ZNF713: variants seen among roughly 807,000 people sequenced by gnomAD.
ZNF713 encodes zinc finger protein 713.
Under a neutral mutation model 28.7 loss-of-function variants are expected in ZNF713, and 21 were observed. The ratio of observed to expected loss-of-function variants is 0.73; its 90% CI spans 0.52 to 1.05. The LOEUF is 1.05. Among genes scored for constraint, ZNF713 ranks in the 50% least tolerant of loss-of-function variants. ZNF713 has a pLI of 0.00. For synonymous variants in ZNF713, 167 were observed against 178.0 expected (o/e 0.94, Z 0.49); for missense variants, 458 against 532.4 (o/e 0.86, Z 1.37).
intron 1 of ZNF713, 25 bp from the exon 2 acceptor site, chr7:55,906,228 C>T (rs1404090823): frequency 6.6e-6 from 1 of 152,166 alleles, no homozygotes; most frequent in Admixed American, 6.6e-5. Context: ...CTTAGATTAA[C>T]TTTGCCTCAA....
chr7:55,893,409 C>G (rs1332770084), intron 1 of ZNF713, among the ~76,000 whole-genome samples: 2 of 152,128 alleles, frequency 1.3e-5, no homozygotes, highest in Non-Finnish European at 2.9e-5. Context: ...TTCCTTCCTA[C>G]CCAGTGTGGG....
intron 2 of ZNF713, among the ~76,000 whole-genome samples, chr7:55,910,757 A>C (rs1021738959): frequency 1.3e-5 from 2 of 152,038 alleles, no homozygotes; most frequent in Non-Finnish European, 1.5e-5. Flanking sequence ...CAGCCTCCCA[A>C]AGTGCTGGGA....
intron 4 of ZNF713, among the ~76,000 whole-genome samples, chr7:55,914,056 A>G (rs2116218681): frequency 6.6e-6 from 1 of 151,700 alleles, no homozygotes; most frequent in East Asian, 1.9e-4. Flanking sequence ...GGTTGCAGTA[A>G]GCCAAGATCG....
chr7:55,927,481 C>T (rs981661182), intron 6 of ZNF713, among the ~76,000 whole-genome samples: 4 of 151,962 alleles, frequency 2.6e-5, no homozygotes, highest in African/African-American at 7.3e-5. Context: ...TACGATGGCA[C>T]CACTGCACTC....
intron 1 of ZNF713, among the ~76,000 whole-genome samples, chr7:55,902,320 T>C (rs1005169922): frequency 6.6e-6 from 1 of 152,238 alleles, no homozygotes; most frequent in Non-Finnish European, 1.5e-5. Flanking sequence ...GTAATAAAAC[T>C]AGATGTTTAT....
chr7:55,923,401 C>G, intron 5 of ZNF713, 113 bp downstream of exon 5: 1 of 1,410,664 alleles, frequency 7.1e-7, no homozygotes, highest in Non-Finnish European at 9.6e-7. Context: ...TAGAAGAATG[C>G]TAATCAGTTT....
intron 1 of ZNF713, among the ~76,000 whole-genome samples, chr7:55,899,221 C>T (rs1401194225): frequency 3.3e-5 from 5 of 151,634 alleles, no homozygotes; most frequent in East Asian, 1.9e-4. Flanking sequence ...GGCATGGTGG[C>T]GGGCACCTGT....
At chr7:55,908,144 T>G (rs1393258511) in intron 2 of ZNF713, among the ~76,000 whole-genome samples, 3 of 132,624 alleles carry the variant, frequency 2.3e-5, no homozygotes, top group African/African-American at 9.9e-5. Context: ...TGTTTTTTTT[T>G]TTTTTTTTTT....
intron 4 of ZNF713, among the ~76,000 whole-genome samples, chr7:55,916,012 G>A (rs1785876064): frequency 2.0e-5 from 3 of 152,184 alleles, no homozygotes; most frequent in South Asian, 4.1e-4. Context: ...GAGGAAAGGA[G>A]GGAGATTTGA....
In ZNF713 at chr7:55,906,718, G is replaced by C. The variant is rs76559134; in HGVS notation, c.-456+339G>C. Reference sequence around the variant, plus strand: ...AATTGGGGCTTGGTTTTTCATTTGTGACCATCACCAGCTGGGTTTGTGTAT... The same window carrying C: ...AATTGGGGCTTGGTTTTTCATTTGTCACCATCACCAGCTGGGTTTGTGTAT... On this transcript the variant is annotated intron_variant, in intron 2 of 6. Transcript: ENST00000429591. Among the ~76,000 whole-genome samples, 454 of 152,194 alleles carry C rather than the reference G, an allele frequency of 3.0e-3. 5 individuals are homozygous for C. The highest frequency in any genetic ancestry group is 0.011 in the African/African-American group (439 of 41,498).
At chr7:55,902,655 T>C (rs1446968189) in intron 1 of ZNF713, among the ~76,000 whole-genome samples, 1 of 152,168 alleles carries the variant, frequency 6.6e-6, no homozygotes, top group Non-Finnish European at 1.5e-5. Context: ...TGTAATGTCA[T>C]AAAATGCTTT....
chr7:55,901,032 ATAAT>A (rs1397420150), intron 1 of ZNF713, among the ~76,000 whole-genome samples: 2 of 152,216 alleles, frequency 1.3e-5, no homozygotes, highest in African/African-American at 2.4e-5. Flanking sequence ...TTCACCACAA[ATAAT>A]TTAAAAGTAT....
intron 6 of ZNF713, among the ~76,000 whole-genome samples, chr7:55,933,042 C>T (rs925764880): frequency 6.6e-6 from 1 of 151,354 alleles, no homozygotes; most frequent in East Asian, 2.0e-4. Context: ...TCAAGACCAG[C>T]CTGACTAACA....
intron 1 of ZNF713, among the ~76,000 whole-genome samples, chr7:55,896,622 T>TA (rs1785478890): frequency 6.7e-6 from 1 of 149,632 alleles, no homozygotes; most frequent in African/African-American, 2.5e-5. Flanking sequence ...TACACACACA[T>TA]AAACACACAT....
chr7:55,935,274 G>C (rs572523887), intron 6 of ZNF713, among the ~76,000 whole-genome samples: 2 of 152,136 alleles, frequency 1.3e-5, no homozygotes, highest in African/African-American at 4.8e-5. Flanking sequence ...ATTATTGTAT[G>C]AAATAGCAAA....
intron 6 of ZNF713, among the ~76,000 whole-genome samples, chr7:55,932,735 T>A (rs1786237058): frequency 7.1e-6 from 1 of 140,110 alleles, no homozygotes; most frequent in Non-Finnish European, 1.5e-5. Context: ...ATACAAAAAA[T>A]TAGCCGGGCG....
intron 1 of ZNF713, among the ~76,000 whole-genome samples, chr7:55,899,533 T>C (rs1785536193): frequency 6.9e-6 from 1 of 144,494 alleles, no homozygotes; most frequent in South Asian, 2.2e-4. Flanking sequence ...ATTTGCCGGG[T>C]GTGGTGGCAG....
rs963277253 is a variant in ZNF713 at position 55,940,376 on chromosome 7, G to A, written c.*370G>A. ...TAACCTCAGGTGATCCGCCCACCTC[G>A]GCCTCCCAAAGTGCTGGGATTACAG... On this transcript the variant is annotated 3_prime_UTR_variant, in exon 7 of 7. Coordinates refer to ENST00000429591, the MANE Select transcript of ZNF713 (RefSeq NM_182633.3). The A allele has an allele frequency of 7.8e-6, 7 of 897,326 alleles. No homozygotes were observed. Among genetic ancestry groups the A allele is most frequent in the Non-Finnish European group, 9.4e-6 (7 of 746,832 alleles). 55.6% of individuals were successfully genotyped at this position (897,326 alleles called of 1,614,324 possible). A position where few individuals can be genotyped will look rare whatever the true frequency, so the allele number is the denominator to read the frequency against.
intron 6 of ZNF713, among the ~76,000 whole-genome samples, chr7:55,936,127 T>C (rs561479859): frequency 1.3e-5 from 2 of 151,854 alleles, no homozygotes; most frequent in Admixed American, 1.3e-4. Context: ...TAGCCAGGCA[T>C]GATAGTGTGC....
Sources: gnomAD v4.1 joint callset for allele counts (sites outside exome capture counted in the v4.1 genomes callset) on GRCh38, gnomAD v4.1.1 for gene constraint, MANE v1.5 for transcripts, NCBI Gene and HGNC (gene_info 2026-07-23, HGNC 2026-07-21) for gene names.